FMNL2: variants seen among roughly 807,000 people sequenced by gnomAD.
The protein encoded by FMNL2 is formin-like protein 2.
FMNL2 carries 51 observed loss-of-function variants against 130.2 expected under a neutral mutation model. The observed-to-expected ratio is 0.39, with a 90% CI of 0.31 to 0.49. The LOEUF is 0.49. Ranked by LOEUF, FMNL2 falls within the 20% of genes least tolerant of loss-of-function variation. The pLI is 0.85. For synonymous variants in FMNL2, 465 were observed against 467.1 expected, an observed-to-expected ratio of 1.00 and a Z score of 0.06; for missense variants, 977 against 1,316.2, an observed-to-expected ratio of 0.74 and a Z score of 3.99.
chr2:152,372,463 T>A (rs1683942264), intron 1 of FMNL2, among the ~76,000 whole-genome samples: 1 of 152,222 alleles, frequency 6.6e-6, no homozygotes, highest in Non-Finnish European at 1.5e-5. Flanking sequence ...TTTTTAGAGT[T>A]TGACATAGGG....
At position 152,647,964 on chromosome 2, in the gene FMNL2, T is replaced by TACG; in HGVS notation, c.*59_*60insACG. On this transcript the variant is annotated 3_prime_UTR_variant, in exon 26 of 26. Transcript: ENST00000288670. ...CGTGAATGAAACTGCCCACATGAAC[T>TACG]TTATGTGCTACGATTTAACTGCAGC... 1 of 1,363,096 alleles carries TACG rather than the reference T, an allele frequency of 7.3e-7. No individual in the cohort carries two copies. Among genetic ancestry groups the TACG allele is most frequent in the South Asian group, 1.3e-5 (1 of 75,942 alleles). The allele number at this position is 1,363,096 out of a possible 1,614,324, so 84.4% of individuals were successfully genotyped here.
intron 1 of FMNL2, among the ~76,000 whole-genome samples, chr2:152,399,229 G>A (rs1011446401): frequency 1.3e-5 from 2 of 152,234 alleles, no homozygotes; most frequent in African/African-American, 2.4e-5. Flanking sequence ...CATTGATAGA[G>A]AAGTGAAATC....
At chr2:152,640,672 G>A (rs901770742) in intron 24 of FMNL2, 119 bp from the exon 25 acceptor site, 21 of 1,188,332 alleles carry the variant, frequency 1.8e-5, no homozygotes, top group Admixed American at 8.3e-5. Flanking sequence ...AATGTGGGAT[G>A]TGTGTGTGTT....
intron 6 of FMNL2, among the ~76,000 whole-genome samples, chr2:152,568,526 T>C (rs1409262532): frequency 2.0e-5 from 3 of 152,130 alleles, no homozygotes; most frequent in African/African-American, 7.2e-5. Context: ...GTGCTTTACA[T>C]GTATTAGCCT....
intron 1 of FMNL2, among the ~76,000 whole-genome samples, chr2:152,366,961 G>C (rs1445388492): frequency 1.3e-5 from 2 of 152,190 alleles, no homozygotes; most frequent in East Asian, 3.9e-4. Flanking sequence ...TTCCAGCCAG[G>C]GCAGCAGAGT....
At position 152,575,262 on chromosome 2, in the gene FMNL2, G is replaced by A. The variant is rs1579996844; in HGVS notation, c.705+18G>A. ...ATTATCAGGTATGTTGGAGCTTCTG[G>A]TTCTTTTAAAAAAAACCTGAATTAA... On this transcript the variant is annotated intron_variant, in intron 7 of 25. Coordinates refer to ENST00000288670, the MANE Select transcript of FMNL2 (RefSeq NM_052905.4). The A allele has an allele frequency of 6.6e-7, 1 of 1,518,706 alleles. No individual in the cohort carries two copies. The highest frequency in any genetic ancestry group is 1.4e-5 in the African/African-American group (1 of 72,752). The allele number at this position is 1,518,706 out of a possible 1,614,324, so 94.1% of individuals were successfully genotyped here.
Position 152,471,169 on chromosome 2 carries a change from A to G in FMNL2, c.118-50774A>G, listed in dbSNP as rs72864926. On this transcript the variant is annotated intron_variant, in intron 1 of 25. Transcript: ENST00000288670. The stretch of plus-strand genomic sequence containing the variant: ...TGATTTAAAGAAAAAAAAAAAAAGC[A>G]GAAAAGTCCCGTACGCTGTCGTTTG... Among the ~76,000 whole-genome samples, 394 of 151,580 alleles carry G rather than the reference A, an allele frequency of 2.6e-3. 1 individual carries two copies. The highest frequency in any genetic ancestry group is 4.7e-3 in the Non-Finnish European group (322 of 67,902).
At chr2:152,634,979 G>T (rs902837952) in intron 21 of FMNL2, among the ~76,000 whole-genome samples, 7 of 151,656 alleles carry the variant, frequency 4.6e-5, no homozygotes, top group Admixed American at 4.6e-4. Context: ...GCTGCTTCTT[G>T]GTCCAACCAC....
chr2:152,637,788 G>A, intron 23 of FMNL2, 114 bp downstream of exon 23: 1 of 902,834 alleles, frequency 1.1e-6, no homozygotes, highest in Middle Eastern at 2.2e-4. Context: ...AGCAGATCTG[G>A]GTGGCATTCA....
intron 1 of FMNL2, among the ~76,000 whole-genome samples, chr2:152,372,137 C>T (rs1387351075): frequency 6.6e-6 from 1 of 152,138 alleles, no homozygotes; most frequent in Non-Finnish European, 1.5e-5. Context: ...TCATACATCT[C>T]AGGGTAAGGA....
intron 21 of FMNL2, among the ~76,000 whole-genome samples, chr2:152,633,039 G>A (rs566320237): frequency 6.6e-6 from 1 of 151,680 alleles, no homozygotes; most frequent in South Asian, 2.1e-4. Context: ...CTACCCTCTC[G>A]TACAAGATTT....
chr2:152,400,748 C>G (rs1009763640), intron 1 of FMNL2, among the ~76,000 whole-genome samples: 3 of 152,188 alleles, frequency 2.0e-5, no homozygotes, highest in Non-Finnish European at 4.4e-5. Flanking sequence ...ACCCCTGGTC[C>G]CTGCCCACTA....
At position 152,430,030 on chromosome 2, in the gene FMNL2, C is replaced by T. The variant is rs1687416097; in HGVS notation, c.118-91913C>T. ...TTACGTAACAAACCTGCACATCCTG[C>T]ACATGTACCCCTGAACTTAAAAACA... On this transcript the variant is annotated intron_variant, in intron 1 of 25. Transcript: ENST00000288670. Among the ~76,000 whole-genome samples the T allele has an allele frequency of 2.0e-5, 3 of 152,170 alleles. No homozygotes were observed. In the South Asian group the frequency reaches 6.2e-4, roughly 32 times the overall value.
chr2:152,394,905 A>C (rs913080727), intron 1 of FMNL2, among the ~76,000 whole-genome samples: 29 of 152,320 alleles, frequency 1.9e-4, no homozygotes, highest in African/African-American at 6.7e-4. Context: ...TGAAAATTAC[A>C]AAACCAAATT....
At chr2:152,340,697 T>A (rs1348263632) in intron 1 of FMNL2, among the ~76,000 whole-genome samples, 3 of 152,086 alleles carry the variant, frequency 2.0e-5, no homozygotes, top group Non-Finnish European at 4.4e-5. Flanking sequence ...TTTTTTTGTT[T>A]GTTTTTCTTT....
chr2:152,455,759 G>A lies in FMNL2; in HGVS notation c.118-66184G>A, dbSNP rs543304779. Among the ~76,000 whole-genome samples, 9 of 152,176 alleles carry A rather than the reference G, an allele frequency of 5.9e-5. 1 individual carries two copies. The East Asian group carries it at 7.7e-4, about 13-fold the overall frequency. On this transcript the variant is annotated intron_variant, in intron 1 of 25. Coordinates refer to ENST00000288670, the MANE Select transcript of FMNL2 (RefSeq NM_052905.4). ...AGAATGAGCCTTGTTCTGTCACCCCGCCTAGAGTGTAGTGGTGTGATCATA... is the reference window on the plus strand; with the variant it reads ...AGAATGAGCCTTGTTCTGTCACCCCACCTAGAGTGTAGTGGTGTGATCATA...
chr2:152,459,967 GA>G (rs1399473938), intron 1 of FMNL2, among the ~76,000 whole-genome samples: 2 of 152,138 alleles, frequency 1.3e-5, no homozygotes, highest in Non-Finnish European at 2.9e-5. Flanking sequence ...ATAAACATAG[GA>G]AATTTTTTCA....
chr2:152,526,823 CTTTTT>C (rs201498163), intron 2 of FMNL2, among the ~76,000 whole-genome samples: 8 of 151,940 alleles, frequency 5.3e-5, no homozygotes, highest in African/African-American at 1.7e-4. Context: ...TCTAGTTCAT[CTTTTT>C]TTTAAAAAAA....
intron 1 of FMNL2, among the ~76,000 whole-genome samples, chr2:152,466,784 C>T (rs1329566801): frequency 6.6e-6 from 1 of 152,138 alleles, no homozygotes; most frequent in African/African-American, 2.4e-5. Context: ...AGTGAGTTGT[C>T]TTCCTCTCTC....
Sources: gnomAD v4.1 joint callset for allele counts (sites outside exome capture counted in the v4.1 genomes callset) on GRCh38, gnomAD v4.1.1 for gene constraint, MANE v1.5 for transcripts, NCBI Gene and HGNC (gene_info 2026-07-23, HGNC 2026-07-21) for gene names.